The following PDE1C variants were observed in gnomAD, a reference collection of about 807,000 sequenced individuals.
The protein encoded by PDE1C is dual specificity calcium/calmodulin-dependent 3',5'-cyclic nucleotide phosphodiesterase 1C.
A neutral mutation model predicts 93.1 loss-of-function variants in PDE1C; 62 were observed. The ratio of observed to expected loss-of-function variants is 0.67; its 90% CI spans 0.54 to 0.82. The LOEUF is 0.82. Among genes scored for constraint, PDE1C ranks in the 40% least tolerant of loss-of-function variants. The probability of loss-of-function intolerance (pLI) is 0.00; values close to 1 mark genes in which losing one functional copy is unlikely to be tolerated. For synonymous variants in PDE1C, 325 were observed against 310.1 expected (o/e 1.05, Z -0.50); for missense variants, 742 against 884.6 (o/e 0.84, Z 2.04).
chr7:31,712,403 A>G, the PDE1C span, among the ~76,000 whole-genome samples: 1 of 152,236 alleles, frequency 6.6e-6, no homozygotes, highest in Non-Finnish European at 1.5e-5. Context: ...AATAGACTAG[A>G]TAGTCGCTAT....
intron 2 of PDE1C, among the ~76,000 whole-genome samples, chr7:31,954,179 C>T (rs138774555): frequency 2.0e-5 from 3 of 152,180 alleles, no homozygotes; most frequent in African/African-American, 7.2e-5. Context: ...ATTCCCAACC[C>T]CTTTGCATTG....
At chr7:32,094,523 T>C (rs983883268) in intron 3 of PDE1C, among the ~76,000 whole-genome samples, 2 of 152,226 alleles carry the variant, frequency 1.3e-5, no homozygotes, top group Non-Finnish European at 2.9e-5. Flanking sequence ...GACAAACTGC[T>C]GTGAAAGAGA....
chr7:32,251,891 C>T (rs545769678), intron 1 of PDE1C, among the ~76,000 whole-genome samples: 2 of 152,294 alleles, frequency 1.3e-5, no homozygotes, highest in East Asian at 3.9e-4. Context: ...CCTCCTCACA[C>T]TCAGGTCCAG....
the PDE1C span, among the ~76,000 whole-genome samples, chr7:31,726,446 C>T: frequency 6.6e-6 from 1 of 152,130 alleles, no homozygotes; most frequent in African/African-American, 2.4e-5. Flanking sequence ...ACAGCAGCCT[C>T]TTATATTGGG....
At chr7:32,006,459 A>G (rs535572674) in intron 2 of PDE1C, among the ~76,000 whole-genome samples, 11 of 152,344 alleles carry the variant, frequency 7.2e-5, no homozygotes, top group East Asian at 3.9e-4. Context: ...GAATGTTCAC[A>G]GGGGAAATAA....
the PDE1C span, among the ~76,000 whole-genome samples, chr7:31,731,753 T>C: frequency 6.8e-6 from 1 of 147,460 alleles, no homozygotes. Flanking sequence ...AGCACCCGGG[T>C]CTGGTGCCAA....
downstream of PDE1C, among the ~76,000 whole-genome samples, chr7:31,747,597 G>A (rs1794032348): frequency 6.6e-6 from 1 of 152,098 alleles, no homozygotes; most frequent in Non-Finnish European, 1.5e-5. Context: ...ACTGACACAA[G>A]GCTGGCCTAC....
In PDE1C at chr7:32,054,685, C is replaced by T. The variant is rs569620450; in HGVS notation, c.102-3105G>A. Among the ~76,000 whole-genome samples, 65 of 152,308 alleles carry T rather than the reference C, an allele frequency of 4.3e-4. 1 individual carries two copies. The South Asian group carries it at 8.7e-3, about 20-fold the overall frequency. On this transcript the variant is annotated intron_variant, in intron 1 of 17. Coordinates refer to ENST00000396191, the MANE Select transcript of PDE1C (RefSeq NM_001191057.4). ...TTCAGTCCAACTCACCTTCCTGACA[C>T]GCCCCTCGTTCATAGATATATTCTT...
At chr7:31,793,735 T>C (rs1784846888) in intron 16 of PDE1C, among the ~76,000 whole-genome samples, 1 of 151,794 alleles carries the variant, frequency 6.6e-6, no homozygotes, top group Admixed American at 6.6e-5. Context: ...AAAGTATCTG[T>C]TAGGCTTTAT....
At chr7:31,875,025 C>T (rs917827159) in intron 5 of PDE1C, among the ~76,000 whole-genome samples, 5 of 152,224 alleles carry the variant, frequency 3.3e-5, no homozygotes, top group African/African-American at 7.2e-5. Context: ...TGACCCAGGC[C>T]TCATCCCTTT....
chr7:31,704,266 G>A, the PDE1C span, among the ~76,000 whole-genome samples: 1 of 152,182 alleles, frequency 6.6e-6, no homozygotes, highest in Non-Finnish European at 1.5e-5. Flanking sequence ...TGATTTATCA[G>A]AAGACGTGGT....
the PDE1C span, among the ~76,000 whole-genome samples, chr7:31,705,919 G>C: frequency 1.3e-5 from 2 of 150,558 alleles, no homozygotes; most frequent in Admixed American, 6.6e-5. Context: ...GCCCTTCTTG[G>C]CTGGTCCTTT....
intron 1 of PDE1C, among the ~76,000 whole-genome samples, chr7:32,379,458 GTT>G (rs1358866205): frequency 6.6e-6 from 1 of 152,158 alleles, no homozygotes; most frequent in Non-Finnish European, 1.5e-5. Context: ...AAAGTTGTCT[GTT>G]ATTTGAAGGG....
intron 17 of PDE1C, among the ~76,000 whole-genome samples, chr7:31,761,614 C>T (rs112502112): frequency 2.0e-3 from 312 of 152,290 alleles, no homozygotes; most frequent in African/African-American, 7.4e-3. Flanking sequence ...GGTTCTCAAT[C>T]CTGGCTGCAT....
chr7:31,637,475 C>G, the PDE1C span, among the ~76,000 whole-genome samples: 4 of 152,178 alleles, frequency 2.6e-5, no homozygotes, highest in South Asian at 2.1e-4. Context: ...ATTTGCATTT[C>G]TCTGATGGCC....
At chr7:31,704,024 G>A in the PDE1C span, among the ~76,000 whole-genome samples, 7 of 152,166 alleles carry the variant, frequency 4.6e-5, no homozygotes, top group African/African-American at 1.7e-4. Flanking sequence ...GCTTAAGAGT[G>A]AAAAGAAGTC....
chr7:31,958,678 C>A (rs1008984681), intron 2 of PDE1C, among the ~76,000 whole-genome samples: 4 of 152,068 alleles, frequency 2.6e-5, no homozygotes, highest in African/African-American at 9.7e-5. Flanking sequence ...TGCACCCAGA[C>A]ACAATTCAAA....
chr7:31,887,390 A>G (rs1798087660), intron 2 of PDE1C, among the ~76,000 whole-genome samples: 1 of 152,224 alleles, frequency 6.6e-6, no homozygotes, highest in Non-Finnish European at 1.5e-5. Context: ...TTACTTCTAC[A>G]GTTTCTAATT....
At chr7:31,688,865 C>CAAG in the PDE1C span, among the ~76,000 whole-genome samples, 3 of 152,182 alleles carry the variant, frequency 2.0e-5, no homozygotes, top group East Asian at 5.8e-4. Context: ...GTAATTCGAT[C>CAAG]AATACTCTTT....
Sources: allele counts gnomAD v4.1 joint callset (sites outside exome capture counted in the v4.1 genomes callset), GRCh38; gene constraint gnomAD v4.1.1; transcripts MANE v1.5; gene names NCBI Gene and HGNC (gene_info 2026-07-23, HGNC 2026-07-21).